The following DMD variants were observed in gnomAD, a reference collection of about 807,000 sequenced individuals.
DMD encodes dystrophin.
In DMD, 63 loss-of-function variants were observed where a neutral mutation model predicts 330.1. The observed-to-expected ratio is 0.19, with a 90% CI of 0.16 to 0.24. The LOEUF (loss-of-function observed/expected upper bound fraction) is 0.24. DMD is among the 10% of genes least tolerant of loss of function. The pLI, the probability that DMD is intolerant of heterozygous loss-of-function variation, is 1.00. For synonymous variants in DMD, 1,223 were observed against 959.8 expected, an observed-to-expected ratio of 1.27 and a Z score of -5.07; for missense variants, 3,344 against 2,684.1, an observed-to-expected ratio of 1.25 and a Z score of -5.43.
chrX:32,364,660 T>C lies in DMD; in HGVS notation c.5076A>G (p.Thr1692=), dbSNP rs145181319. ...ETFDQNVDHI[T]KWIIQADTLL... ...GTGTGTCAGCCTGAATGATCCACTTTGTGATGTGGTCCACATTCTGGTCAA... is the reference window on the plus strand; with the variant it reads ...GTGTGTCAGCCTGAATGATCCACTTCGTGATGTGGTCCACATTCTGGTCAA... Residue 1692 remains threonine, a synonymous_variant, in exon 36 of 79, where the codon ACA becomes ACG. Transcript: ENST00000357033. 2.8e-5 allele frequency: 34 copies of C among 1,207,897 alleles called. No individual in the cohort carries two copies. The African/African-American group carries it at 4.9e-4, about 17-fold the overall frequency.
intron 60 of DMD, among the ~76,000 whole-genome samples, chrX:31,373,718 T>C (rs759395756): frequency 1.8e-5 from 2 of 111,493 alleles, no homozygotes; most frequent in African/African-American, 6.5e-5. Context: ...ACAAAAACTC[T>C]AGAAGAAAAC....
At chrX:31,334,961 G>C (rs1012009220) in intron 61 of DMD, among the ~76,000 whole-genome samples, 2 of 111,231 alleles carry the variant, frequency 1.8e-5, no homozygotes, top group Non-Finnish European at 3.8e-5. Context: ...CCCAATATCT[G>C]ACTGGTGTAC....
intron 7 of DMD, among the ~76,000 whole-genome samples, chrX:32,739,817 G>A (rs1281586272): frequency 2.7e-5 from 3 of 110,744 alleles, no homozygotes; most frequent in African/African-American, 6.6e-5. Context: ...TTTGTGAGAA[G>A]TGCAACCGCT....
chrX:32,629,436 C>T (rs1326852461), intron 11 of DMD, among the ~76,000 whole-genome samples: 2 of 111,386 alleles, frequency 1.8e-5, no homozygotes, highest in Non-Finnish European at 3.8e-5. Context: ...TTGTAAGTAA[C>T]AGATTATTGT....
chrX:33,264,167 C>A (rs759841193), intron 1 of DMD, among the ~76,000 whole-genome samples: 3 of 111,287 alleles, frequency 2.7e-5, no homozygotes. Flanking sequence ...AATATACACG[C>A]CTTTTCTAAA....
At chrX:32,712,920 G>T (rs577259768) in intron 7 of DMD, among the ~76,000 whole-genome samples, 70 of 111,253 alleles carry the variant, frequency 6.3e-4, no homozygotes, top group African/African-American at 2.2e-3. Context: ...ATCATTATCT[G>T]AAAGTTATCT....
chrX:33,042,950 C>G (rs747552925), intron 1 of DMD, among the ~76,000 whole-genome samples: 1 of 111,708 alleles, frequency 9.0e-6, no homozygotes, highest in Non-Finnish European at 1.9e-5. Context: ...ACAGCACACA[C>G]GAATGCATGG....
intron 16 of DMD, among the ~76,000 whole-genome samples, chrX:32,562,187 G>A (rs1488573949): frequency 1.8e-5 from 2 of 111,758 alleles, no homozygotes; most frequent in Non-Finnish European, 3.8e-5. Flanking sequence ...TAAGCCTCCA[G>A]ATAGCAAGAG....
chrX:32,137,334 C>A (rs7065982), intron 44 of DMD, among the ~76,000 whole-genome samples: 13,341 of 111,122 alleles, frequency 0.12, 661 homozygotes, highest in South Asian at 0.3. Context: ...AATCTTAAAC[C>A]CATTTGAACA....
intron 45 of DMD, among the ~76,000 whole-genome samples, chrX:31,951,147 A>ATATATATATGTATATATATATATGTG: frequency 1.3e-5 from 1 of 74,455 alleles, no homozygotes; most frequent in African/African-American, 7.1e-5. Context: ...ATATGTGTAT[A>ATATATATATGTATATATATATATGTG]TATATATATA....
At position 32,554,957 on chromosome X, in the gene DMD, G is replaced by GAGAA. The variant is rs1206294775; in HGVS notation, c.1993-9627_1993-9624dup. Among the ~76,000 whole-genome samples the GAGAA allele has an allele frequency of 3.3e-3, 245 of 73,827 alleles. 28 individuals carry two copies. The highest frequency in any genetic ancestry group is 9.7e-3 in the South Asian group (13 of 1,346). The allele number at this position is 73,827 out of a possible 115,157, so 64.1% of individuals were successfully genotyped here. A position where few individuals can be genotyped will look rare whatever the true frequency, so the allele number is the denominator to read the frequency against. ...AGAAAGAAAGAGAGAGAGAGGGAGAGAGAAAGAAAGAGAGAGAGAGAGAGA... is the reference window on the plus strand; with the variant it reads ...AGAAAGAAAGAGAGAGAGAGGGAGAGAGAAAGAAAGAAAGAGAGAGAGAGAGAGA... On this transcript the variant is annotated intron_variant, in intron 16 of 78. Coordinates refer to ENST00000357033, the MANE Select transcript of DMD (RefSeq NM_004006.3).
intron 44 of DMD, among the ~76,000 whole-genome samples, chrX:32,044,209 C>A (rs1316079240): frequency 9.0e-6 from 1 of 110,728 alleles, no homozygotes; most frequent in East Asian, 2.9e-4. Flanking sequence ...CTAATCAAAT[C>A]ATCACTGAGG....
intron 42 of DMD, among the ~76,000 whole-genome samples, chrX:32,306,759 C>G (rs994486550): frequency 9.1e-6 from 1 of 110,171 alleles, no homozygotes; most frequent in African/African-American, 3.3e-5. Context: ...ATTTGAAACT[C>G]CAGTGCAATG....
chrX:32,494,473 C>G (rs1197012657), intron 19 of DMD, among the ~76,000 whole-genome samples: 1 of 110,874 alleles, frequency 9.0e-6, no homozygotes, highest in African/African-American at 3.3e-5. Context: ...AAATTTGATG[C>G]CCCTTACTAG....
chrX:32,105,905 G>C (rs1294644890), intron 44 of DMD, among the ~76,000 whole-genome samples: 1 of 111,721 alleles, frequency 9.0e-6, no homozygotes, highest in Non-Finnish European at 1.9e-5. Flanking sequence ...CTTAATTCAC[G>C]AGAGAAAAGT....
chrX:32,508,849 C>G (rs187925564), intron 18 of DMD, among the ~76,000 whole-genome samples: 411 of 109,857 alleles, frequency 3.7e-3, no homozygotes, highest in African/African-American at 0.01. Flanking sequence ...CTCGCTCTGT[C>G]GCCCAGGCTG....
chrX:31,289,366 A>G (rs925726051), intron 62 of DMD, among the ~76,000 whole-genome samples: 1 of 110,596 alleles, frequency 9.0e-6, no homozygotes, highest in Non-Finnish European at 1.9e-5. Flanking sequence ...CGCAAATACA[A>G]TTTTGCTTAT....
At chrX:33,111,656 G>A (rs1169558221) in intron 1 of DMD, among the ~76,000 whole-genome samples, 1 of 111,683 alleles carries the variant, frequency 9.0e-6, no homozygotes, top group East Asian at 2.8e-4. Context: ...GGCTCGATTC[G>A]AGTGCGATGG....
intron 47 of DMD, among the ~76,000 whole-genome samples, chrX:31,889,647 T>TCACACACACACACA (rs773894352): frequency 2.8e-5 from 2 of 71,594 alleles, no homozygotes; most frequent in Admixed American, 1.7e-4. Context: ...TCTCTCTCTC[T>TCACACACACACACA]CACACACACA....
Sources: allele counts gnomAD v4.1 joint callset (sites outside exome capture counted in the v4.1 genomes callset), GRCh38; gene constraint gnomAD v4.1.1; transcripts MANE v1.5; gene names NCBI Gene and HGNC (gene_info 2026-07-23, HGNC 2026-07-21).